Variants in GIMAP6 observed in about 807,000 individuals in gnomAD.
The protein encoded by GIMAP6 is GTPase, IMAP family member 6.
A neutral mutation model predicts 9.3 loss-of-function variants in GIMAP6; 6 were observed. The ratio of observed to expected loss-of-function variants is 0.65; its 90% CI spans 0.35 to 1.27. The LOEUF is 1.27. Ranked by LOEUF, GIMAP6 falls within the 50% of genes most tolerant of loss-of-function variation. The pLI, the probability that GIMAP6 is intolerant of heterozygous loss-of-function variation, is 0.03. For missense variants in GIMAP6, 333 were observed against 359.5 expected (o/e 0.93, Z 0.60); for synonymous variants, 156 against 151.1 (o/e 1.03, Z -0.24).
chr7:150,627,896 C>T lies in GIMAP6; in HGVS notation c.702G>A (p.Lys234=), dbSNP rs753485832. The T allele has an allele frequency of 1.9e-5, 30 of 1,614,100 alleles. No individual in the cohort carries two copies. The highest frequency in any genetic ancestry group is 1.6e-4 in the Middle Eastern group (1 of 6,084). ...AGTTTTGCTGGGTATATTGGTAAGC[C>T]TTGTTGCTGTAATAATCTCCTTCGT... is the stretch of plus-strand genomic sequence containing the variant. ...WENEGDYYSN[K]AYQYTQQNFR... Residue 234 remains lysine (K), a synonymous_variant, in exon 3 of 3, where the codon AAG becomes AAA. Transcript: ENST00000328902.
Position 150,627,961 on chromosome 7 carries a change from G to T in GIMAP6, c.637C>A (p.Arg213=). 3 of 1,614,224 alleles carry T rather than the reference G, an allele frequency of 1.9e-6. No individual in the cohort carries two copies. The South Asian group carries it at 3.3e-5, about 18-fold the overall frequency. ...GCTTCAACTTTCTCCATGAGCTCTC[G>T]CAGTTGGGCCTCCTGCTCCTCCCCC... The part of the protein sequence containing the change: ...AQGEEQEAQL[R]ELMEKVEAIM... The change falls in exon 3 of 3, where the codon CGA becomes AGA. Residue 213 remains arginine (R), a synonymous_variant. Transcript: ENST00000328902.
rs986226872 is a variant in GIMAP6 at position 150,627,358 on chromosome 7, T to G, written c.*361A>C. ...GCATGACTCCAATGCAGTCAAAAGC[T>G]GTGGAAGTTACACAGAAGTAAAAGA... is the stretch of plus-strand genomic sequence containing the variant. On this transcript the variant is annotated 3_prime_UTR_variant, in exon 3 of 3. Transcript: ENST00000328902. 1 of 316,924 alleles carries G rather than the reference T, an allele frequency of 3.2e-6. No homozygotes were observed. Among genetic ancestry groups the G allele is most frequent in the African/African-American group, 2.1e-5 (1 of 46,586 alleles). 19.6% of individuals were successfully genotyped at this position (316,924 alleles called of 1,614,324 possible).
rs757899869 is a variant in GIMAP6 at position 150,627,921 on chromosome 7, T to C, written c.677A>G (p.Asn226Ser). The change falls in exon 3 of 3, where the codon AAC (asparagine) becomes AGC (serine). Residue 226 changes from asparagine (N) to serine (S), a missense_variant. Asn to Ser is a conservative substitution (Grantham distance 46). Coordinates refer to ENST00000328902, the MANE Select transcript of GIMAP6 (RefSeq NM_024711.6). ...CTTGTTGCTGTAATAATCTCCTTCG[T>C]TTTCCCACATAATGGCTTCAACTTT... ...MEKVEAIMWE[N>S]EGDYYSNKAY... 1.6e-5 allele frequency: 26 copies of C among 1,614,138 alleles called. No individual in the cohort carries two copies. The highest frequency in any genetic ancestry group is 3.3e-4 in the Middle Eastern group (2 of 6,084).
intron 2 of GIMAP6, among the ~76,000 whole-genome samples, chr7:150,629,216 T>G (rs941985229): frequency 2.0e-5 from 3 of 152,176 alleles, no homozygotes; most frequent in African/African-American, 7.2e-5. Flanking sequence ...CACACACCAC[T>G]GGACTTTACT....
At chr7:150,628,759 A>G in intron 2 of GIMAP6, 3 of 1,443,264 alleles carry the variant, frequency 2.1e-6, no homozygotes, top group Non-Finnish European at 1.8e-6. Context: ...ATAGAACACC[A>G]AGAAACCCAA....
Position 150,627,317 on chromosome 7 carries a change from C to T in GIMAP6, c.*402G>A, listed in dbSNP as rs537837238. 1.7e-5 allele frequency: 4 copies of T among 242,160 alleles called. No homozygotes were observed. Among genetic ancestry groups the T allele is most frequent in the East Asian group, 1.1e-4 (1 of 9,022 alleles). 15.0% of individuals were successfully genotyped at this position (242,160 alleles called of 1,614,324 possible). ...TGGTCAACAGCTTGCATGGAGTTGCCGCACCAAACGTGACTGCATGACTCC... is the reference window on the plus strand; with the variant it reads ...TGGTCAACAGCTTGCATGGAGTTGCTGCACCAAACGTGACTGCATGACTCC... On this transcript the variant is annotated 3_prime_UTR_variant, in exon 3 of 3. Coordinates refer to ENST00000328902, the MANE Select transcript of GIMAP6 (RefSeq NM_024711.6).
chr7:150,625,743 A>G lies in GIMAP6; in HGVS notation c.*1976T>C, dbSNP rs1796281604. ...ATTACAGAATGATTTTAACTCTCAC[A>G]TAGAAGAAAAAAATGCCTGAGAATA... On this transcript the variant is annotated 3_prime_UTR_variant, in exon 3 of 3. Transcript: ENST00000328902. 1 of 152,210 alleles carries G rather than the reference A, an allele frequency of 6.6e-6. No homozygotes were observed. The highest frequency in any genetic ancestry group is 6.5e-5 in the Admixed American group (1 of 15,274). 9.4% of individuals were successfully genotyped at this position (152,210 alleles called of 1,614,324 possible). A position where few individuals can be genotyped will look rare whatever the true frequency, so the allele number is the denominator to read the frequency against.
chr7:150,631,612 T>C (rs1449069802), intron 1 of GIMAP6, among the ~76,000 whole-genome samples: 1 of 152,216 alleles, frequency 6.6e-6, no homozygotes, highest in Admixed American at 6.5e-5. Flanking sequence ...GAACCTGCAC[T>C]GTGCCTTCGC....
chr7:150,628,340 C>T lies in GIMAP6; in HGVS notation c.258G>A (p.Trp86Ter), dbSNP rs1411178132. 6.2e-7 allele frequency: 1 copy of T among 1,613,978 alleles called. No individual in the cohort carries two copies. Among genetic ancestry groups the T allele is most frequent in the Non-Finnish European group, 8.5e-7 (1 of 1,179,978 alleles). Residue 86 changes from tryptophan (W) to a stop codon, truncating the protein, a stop_gained, in exon 3 of 3, where the codon TGG (tryptophan) becomes TGA (stop). Coordinates refer to ENST00000328902, the MANE Select transcript of GIMAP6 (RefSeq NM_024711.6). LOFTEE classifies it high-confidence loss of function. ...TKTSQRRSRE[W>*]AGKELEVIDT... Reference sequence around the variant, plus strand: ...CAATCACCTCAAGCTCCTTCCCAGCCCACTCTCGGCTCCGTCTCTGGGAGG... The same window carrying T: ...CAATCACCTCAAGCTCCTTCCCAGCTCACTCTCGGCTCCGTCTCTGGGAGG...
rs1796328573 is a variant in GIMAP6 at position 150,628,116 on chromosome 7, A to G, written c.482T>C (p.Val161Ala). The change falls in exon 3 of 3, where the codon GTG becomes GCG. Residue 161 changes from valine (V) to alanine (A), a missense_variant. Physicochemically the swap from Val to Ala is moderately conservative, Grantham distance 64. Transcript: ENST00000328902. Reference protein sequence around the residue: ...GVGVLGHTILVFTRKEDLAGG... With the variant: ...GVGVLGHTILAFTRKEDLAGG... ...AGCCAGGTCTTCCTTCCGGGTGAAC[A>G]CCAGGATGGTGTGACCCAGAACCCC... is the stretch of plus-strand genomic sequence containing the variant. The G allele has an allele frequency of 6.2e-7, 1 of 1,614,038 alleles. No individual in the cohort carries two copies. The highest frequency in any genetic ancestry group is 1.3e-5 in the African/African-American group (1 of 74,916).
rs1206983659 is a variant in GIMAP6, at chr7:150,627,671, G to T, written c.*48C>A. ...AAAGAGAAACAGAGGGCTGGACACA[G>T]GGGGGTGCAAAGGCTGATGGTGTCC... On this transcript the variant is annotated 3_prime_UTR_variant, in exon 3 of 3. Transcript: ENST00000328902. 6.2e-7 allele frequency: 1 copy of T among 1,603,224 alleles called. No individual in the cohort carries two copies. The highest frequency in any genetic ancestry group is 8.5e-7 in the Non-Finnish European group (1 of 1,171,366).
chr7:150,627,930 A>G lies in GIMAP6; in HGVS notation c.668T>C (p.Met223Thr). 9 of 1,614,254 alleles carry G rather than the reference A, an allele frequency of 5.6e-6. No homozygotes were observed. The highest frequency in any genetic ancestry group is 7.6e-6 in the Non-Finnish European group (9 of 1,180,040). Residue 223 changes from methionine to threonine, a missense_variant, in exon 3 of 3, where the codon ATG becomes ACG. Met to Thr is a moderately conservative substitution (Grantham distance 81, BLOSUM62 -1). Coordinates refer to ENST00000328902, the MANE Select transcript of GIMAP6 (RefSeq NM_024711.6). Reference sequence around the variant, plus strand: ...GTAATAATCTCCTTCGTTTTCCCACATAATGGCTTCAACTTTCTCCATGAG... The same window carrying G: ...GTAATAATCTCCTTCGTTTTCCCACGTAATGGCTTCAACTTTCTCCATGAG... ...RELMEKVEAI[M>T]WENEGDYYSN...
rs1033880381 is a variant in GIMAP6, at chr7:150,628,860, A to G, written c.86-348T>C. ...GGGTCCCAAGACCCAGAGCACATAA[A>G]GAAGTGACAAGTAATAGCTGGTTTC... On this transcript the variant is annotated intron_variant, in intron 2 of 2. Coordinates refer to ENST00000328902, the MANE Select transcript of GIMAP6 (RefSeq NM_024711.6). The G allele has an allele frequency of 9.8e-6, 7 of 713,192 alleles. No individual in the cohort carries two copies. In the African/African-American group the frequency reaches 1.3e-4, roughly 13 times the overall value. 44.2% of individuals were successfully genotyped at this position (713,192 alleles called of 1,614,324 possible).
chr7:150,628,307 G>C lies in GIMAP6; in HGVS notation c.291C>G (p.Pro97=), dbSNP rs867002814. 8.7e-6 allele frequency: 14 copies of C among 1,614,064 alleles called. No homozygotes were observed. The Middle Eastern group carries it at 1.2e-3, about 133-fold the overall frequency. ...GCGAGACCTGGGGGGACAGAATGTTGGGTGTGTCAATCACCTCAAGCTCCT... is the reference window on the plus strand; with the variant it reads ...GCGAGACCTGGGGGGACAGAATGTTCGGTGTGTCAATCACCTCAAGCTCCT... ...AGKELEVIDT[P]NILSPQVSPE... Residue 97 remains proline, a synonymous_variant, in exon 3 of 3, where the codon CCC becomes CCG. Coordinates refer to ENST00000328902, the MANE Select transcript of GIMAP6 (RefSeq NM_024711.6).
chr7:150,630,508 A>C (rs1274351803), intron 1 of GIMAP6, among the ~76,000 whole-genome samples: 1 of 152,068 alleles, frequency 6.6e-6, no homozygotes, highest in Non-Finnish European at 1.5e-5. Flanking sequence ...GGGAAGAAGG[A>C]GGAGGTGGAG....
Position 150,627,627 on chromosome 7 carries a change from G to A in GIMAP6, c.*92C>T, listed in dbSNP as rs759820454. On this transcript the variant is annotated 3_prime_UTR_variant, in exon 3 of 3. Coordinates refer to ENST00000328902, the MANE Select transcript of GIMAP6 (RefSeq NM_024711.6). ...CCAGACGTCATGACCTGGAGACTGG[G>A]AAGCACTCCATGGGATGGAAAGAGA... The A allele has an allele frequency of 2.0e-6, 3 of 1,512,374 alleles. No homozygotes were observed. Among genetic ancestry groups the A allele is most frequent in the South Asian group, 1.1e-5 (1 of 88,184 alleles). 93.7% of individuals were successfully genotyped at this position (1,512,374 alleles called of 1,614,324 possible). A position where few individuals can be genotyped will look rare whatever the true frequency, so the allele number is the denominator to read the frequency against.
Position 150,628,344 on chromosome 7 carries a change from T to C in GIMAP6, c.254A>G (p.Glu85Gly), listed in dbSNP as rs1315608681. 1 of 1,613,962 alleles carries C rather than the reference T, an allele frequency of 6.2e-7. No individual in the cohort carries two copies. Among genetic ancestry groups the C allele is most frequent in the Non-Finnish European group, 8.5e-7 (1 of 1,179,970 alleles). The change falls in exon 3 of 3, where the codon GAG becomes GGG. Residue 85 changes from glutamate to glycine, a missense_variant. Glu to Gly is a moderately conservative substitution (Grantham distance 98). Transcript: ENST00000328902. ...CACCTCAAGCTCCTTCCCAGCCCACTCTCGGCTCCGTCTCTGGGAGGTCTT... is the reference window on the plus strand; with the variant it reads ...CACCTCAAGCTCCTTCCCAGCCCACCCTCGGCTCCGTCTCTGGGAGGTCTT... The part of the protein sequence containing the change: ...VTKTSQRRSR[E>G]WAGKELEVID...
chr7:150,630,419 C>T (rs1209356488), intron 1 of GIMAP6, among the ~76,000 whole-genome samples: 2 of 152,032 alleles, frequency 1.3e-5, no homozygotes, highest in African/African-American at 4.8e-5. Context: ...TGCAACTGGC[C>T]TGGGAGCTGA....
intron 1 of GIMAP6, among the ~76,000 whole-genome samples, chr7:150,630,667 G>A (rs1796376670): frequency 6.6e-6 from 1 of 152,104 alleles, no homozygotes; most frequent in African/African-American, 2.4e-5. Context: ...GGAGAAGACT[G>A]TGCAGTGAGG....
Sources: allele counts gnomAD v4.1 joint callset (sites outside exome capture counted in the v4.1 genomes callset), GRCh38; gene constraint gnomAD v4.1.1; transcripts MANE v1.5; gene names NCBI Gene and HGNC (gene_info 2026-07-23, HGNC 2026-07-21).